The following POU3F3 variants were observed in gnomAD, a reference collection of about 807,000 sequenced individuals.
POU3F3 encodes POU class 3 homeobox 3.
POU3F3 carries 1 observed loss-of-function variant against 8.6 expected under a neutral mutation model. The ratio of observed to expected loss-of-function variants is 0.12; its 90% CI spans 0.04 to 0.55. The LOEUF (loss-of-function observed/expected upper bound fraction) is 0.55, where lower values mean the gene tolerates loss of function less well. Ranked by LOEUF, POU3F3 falls within the 20% of genes least tolerant of loss-of-function variation. The probability of loss-of-function intolerance (pLI) is 0.91; values close to 1 mark genes in which losing one functional copy is unlikely to be tolerated. For synonymous variants in POU3F3, 418 were observed against 327.4 expected, an observed-to-expected ratio of 1.28 and a Z score of -2.99; for missense variants, 577 against 690.7, an observed-to-expected ratio of 0.84 and a Z score of 1.84.
At chr2:104,895,388 C>A in the POU3F3 span, among the ~76,000 whole-genome samples, 1 of 152,148 alleles carries the variant, frequency 6.6e-6, no homozygotes, top group Non-Finnish European at 1.5e-5. Context: ...TTGCTTTCTA[C>A]CTTATGGTTG....
chr2:104,920,285 G>A, the POU3F3 span, among the ~76,000 whole-genome samples: 1 of 152,186 alleles, frequency 6.6e-6, no homozygotes, highest in African/African-American at 2.4e-5. Flanking sequence ...AAAGTACTGG[G>A]ATTACAGGCG....
chr2:104,922,195 C>A, the POU3F3 span, among the ~76,000 whole-genome samples: 1 of 151,928 alleles, frequency 6.6e-6, no homozygotes, highest in Non-Finnish European at 1.5e-5. Context: ...TGGGGAGAAT[C>A]TGATTACCGG....
the POU3F3 span, chr2:104,868,532 C>A: frequency 4.1e-5 from 15 of 368,916 alleles, no homozygotes; most frequent in East Asian, 1.1e-3. Flanking sequence ...TGGTCACCCA[C>A]CGGCCAAGCC....
At chr2:104,892,992 A>G in the POU3F3 span, among the ~76,000 whole-genome samples, 3 of 152,138 alleles carry the variant, frequency 2.0e-5, no homozygotes, top group Non-Finnish European at 4.4e-5. Context: ...CATTCATGTT[A>G]TTTCACTAGA....
Position 104,855,932 on chromosome 2 carries a change from C to G in POU3F3, c.422C>G (p.Pro141Arg). 1 of 1,061,782 alleles carries G rather than the reference C, an allele frequency of 9.4e-7. No individual in the cohort carries two copies. The highest frequency in any genetic ancestry group is 1.1e-6 in the Non-Finnish European group (1 of 878,180). The allele number at this position is 1,061,782 out of a possible 1,614,324, so 65.8% of individuals were successfully genotyped here. A position where few individuals can be genotyped will look rare whatever the true frequency, so the allele number is the denominator to read the frequency against. ...CCCCAGCAGCCACCGCAGCCGCCGC[C>G]GCCACCGCCGCAGGGCCCCGACGTG... is the stretch of plus-strand genomic sequence containing the variant. ...GSPQQPPQPP[P>R]PPPQGPDVKG... is the part of the protein sequence containing the mutation. The change falls in exon 1 of 1, where the codon CCG (proline) becomes CGG (arginine). Residue 141 changes from proline (P) to arginine (R), a missense_variant. By Grantham distance (103) the Pro-to-Arg change is moderately radical (BLOSUM62 -2). Coordinates refer to ENST00000361360, the MANE Select transcript of POU3F3 (RefSeq NM_006236.3).
the POU3F3 span, among the ~76,000 whole-genome samples, chr2:104,901,413 C>T: frequency 6.6e-6 from 1 of 152,186 alleles, no homozygotes; most frequent in Non-Finnish European, 1.5e-5. Context: ...CTGAGCTGCT[C>T]CTTGGGGTCC....
At chr2:104,868,609 T>A in the POU3F3 span, among the ~76,000 whole-genome samples, 1 of 152,244 alleles carries the variant, frequency 6.6e-6, no homozygotes, top group African/African-American at 2.4e-5. Context: ...ACCTTCTCTA[T>A]CCACCCCGCA....
At chr2:104,859,498 T>C (rs536190298), downstream of POU3F3, among the ~76,000 whole-genome samples, 204 of 152,286 alleles carry the variant, frequency 1.3e-3, no homozygotes, top group Non-Finnish European at 2.3e-3. Flanking sequence ...TATAGACAAA[T>C]TCCCCCCAAT....
the POU3F3 span, among the ~76,000 whole-genome samples, chr2:104,886,234 C>G: frequency 6.6e-6 from 1 of 151,968 alleles, no homozygotes; most frequent in African/African-American, 2.4e-5. Context: ...TCATGTGATG[C>G]GTAACAACAT....
chr2:104,856,391 ACGGCGG>A lies in POU3F3; in HGVS notation c.896_901del (p.Gly299_Gly300del), dbSNP rs546400611. 27 of 1,565,670 alleles carry A rather than the reference ACGGCGG, an allele frequency of 1.7e-5. No homozygotes were observed. The highest frequency in any genetic ancestry group is 8.0e-5 in the South Asian group (7 of 87,034). ...CACCACGCGCAGGGACCCCCGCACCACGGCGGCGGCGGCGGCGGCGCGGGGCCTGGA... is the reference window on the plus strand; with the variant it reads ...CACCACGCGCAGGGACCCCCGCACCACGGCGGCGGCGGCGCGGGGCCTGGA... On this transcript the variant is annotated inframe_deletion, in exon 1 of 1. Coordinates refer to ENST00000361360, the MANE Select transcript of POU3F3 (RefSeq NM_006236.3).
the POU3F3 span, among the ~76,000 whole-genome samples, chr2:104,886,028 C>A: frequency 6.6e-6 from 1 of 152,126 alleles, no homozygotes; most frequent in African/African-American, 2.4e-5. Context: ...AACTCCTGAC[C>A]TCAGATGATC....
In POU3F3 at chr2:104,857,918, G is replaced by C. The variant is rs971432565; in HGVS notation, c.*905G>C. On this transcript the variant is annotated 3_prime_UTR_variant, in exon 1 of 1. Transcript: ENST00000361360. ...TGAGGAGTGGCGAGAGGCCCCGGCC[G>C]AGTCGGGTCGCGGGCGGGCGGGCGA... The C allele has an allele frequency of 1.3e-5, 2 of 152,104 alleles. No individual in the cohort carries two copies. Among genetic ancestry groups the C allele is most frequent in the Non-Finnish European group, 2.9e-5 (2 of 68,004 alleles). 9.4% of individuals were successfully genotyped at this position (152,104 alleles called of 1,614,324 possible). A position where few individuals can be genotyped will look rare whatever the true frequency, so the allele number is the denominator to read the frequency against.
At chr2:104,878,994 CACAACAT>C in the POU3F3 span, among the ~76,000 whole-genome samples, 1 of 151,918 alleles carries the variant, frequency 6.6e-6, no homozygotes, top group Non-Finnish European at 1.5e-5. Flanking sequence ...ACACACAACA[CACAACAT>C]ACACAACACA....
the POU3F3 span, among the ~76,000 whole-genome samples, chr2:104,917,798 C>T: frequency 6.6e-6 from 1 of 152,168 alleles, no homozygotes; most frequent in Non-Finnish European, 1.5e-5. Flanking sequence ...TCTTATCCCT[C>T]CCTTGCTGGG....
rs1436863830 is a variant in POU3F3 at position 104,855,856 on chromosome 2, G to A, written c.346G>A (p.Val116Met). The change falls in exon 1 of 1, where the codon GTG (valine) becomes ATG (methionine). Residue 116 changes from valine to methionine, a missense_variant. Coordinates refer to ENST00000361360, the MANE Select transcript of POU3F3 (RefSeq NM_006236.3). ...CGCCGCCGCTGCCGCCGCCGCCGCC[G>A]TGGAGGCGAGCTCGCCGTGGTCGGG... is the stretch of plus-strand genomic sequence containing the variant. ...AAAAAAAAAA[V>M]EASSPWSGSA... is the part of the protein sequence containing the mutation. 3.7e-6 allele frequency: 4 copies of A among 1,077,804 alleles called. No homozygotes were observed. Among genetic ancestry groups the A allele is most frequent in the African/African-American group, 3.6e-5 (2 of 56,314 alleles). 66.8% of individuals were successfully genotyped at this position (1,077,804 alleles called of 1,614,324 possible). A position where few individuals can be genotyped will look rare whatever the true frequency, so the allele number is the denominator to read the frequency against.
the POU3F3 span, chr2:104,866,122 G>A: frequency 6.6e-6 from 1 of 152,166 alleles, no homozygotes; most frequent in African/African-American, 2.4e-5. Flanking sequence ...CTGAAAGAAG[G>A]TCTTTAACTC....
At chr2:104,902,035 G>A in the POU3F3 span, among the ~76,000 whole-genome samples, 1 of 152,076 alleles carries the variant, frequency 6.6e-6, no homozygotes, top group Non-Finnish European at 1.5e-5. Flanking sequence ...GTCCATCAGG[G>A]GAAATTTGGG....
chr2:104,918,066 G>A, the POU3F3 span, among the ~76,000 whole-genome samples: 1 of 152,174 alleles, frequency 6.6e-6, no homozygotes, highest in Non-Finnish European at 1.5e-5. Flanking sequence ...TATAGCATAA[G>A]AATAACTTCT....
chr2:104,879,141 T>C, the POU3F3 span, among the ~76,000 whole-genome samples: 1 of 151,616 alleles, frequency 6.6e-6, no homozygotes, highest in Admixed American at 6.6e-5. Context: ...CACGTAATCT[T>C]CAGTACACAC....
Sources: gnomAD v4.1 joint callset for allele counts (sites outside exome capture counted in the v4.1 genomes callset) on GRCh38, gnomAD v4.1.1 for gene constraint, MANE v1.5 for transcripts, NCBI Gene and HGNC (gene_info 2026-07-23, HGNC 2026-07-21) for gene names.